The following CYP3A7 variants were observed in gnomAD, a reference collection of about 807,000 sequenced individuals.
CYP3A7 encodes cytochrome P450 family 3 subfamily A member 7.
CYP3A7 carries 45 observed loss-of-function variants against 55.2 expected under a neutral mutation model. The observed-to-expected ratio is 0.82, with a 90% CI of 0.64 to 1.05. CYP3A7 has a LOEUF of 1.05. Ranked by LOEUF, CYP3A7 falls within the 50% of genes least tolerant of loss-of-function variation. The probability of loss-of-function intolerance (pLI) is 0.00; values close to 1 mark genes in which losing one functional copy is unlikely to be tolerated. For synonymous variants in CYP3A7, 180 were observed against 207.4 expected, an observed-to-expected ratio of 0.87 and a Z score of 1.13; for missense variants, 548 against 605.3, an observed-to-expected ratio of 0.91 and a Z score of 0.99.
At position 99,710,716 on chromosome 7, in the gene CYP3A7, T is replaced by C; in HGVS notation, c.1026+16A>G. ...GCTTCACCTCCTCCCTCCTTCTCCATGTACTGTCCACTCACCTTATTGGGT... is the reference window on the plus strand; with the variant it reads ...GCTTCACCTCCTCCCTCCTTCTCCACGTACTGTCCACTCACCTTATTGGGT... On this transcript the variant is annotated intron_variant, in intron 10 of 12. Transcript: ENST00000336374. The C allele has an allele frequency of 1.9e-6, 3 of 1,613,820 alleles. No homozygotes were observed. Among genetic ancestry groups the C allele is most frequent in the Non-Finnish European group, 2.5e-6 (3 of 1,179,822 alleles).
chr7:99,706,797 A>G (rs1217111039), intron 12 of CYP3A7, among the ~76,000 whole-genome samples: 2 of 152,246 alleles, frequency 1.3e-5, no homozygotes, highest in African/African-American at 2.4e-5. Context: ...AAACCAATCG[A>G]CTGCATATCA....
At chr7:99,733,206 C>T (rs1161171726) in intron 1 of CYP3A7, among the ~76,000 whole-genome samples, 1 of 152,212 alleles carries the variant, frequency 6.6e-6, no homozygotes, top group Non-Finnish European at 1.5e-5. Flanking sequence ...AAATCAATGG[C>T]ACTAATCTCT....
In CYP3A7 at chr7:99,735,065, T is replaced by C. The variant is rs1226046422; in HGVS notation, c.29A>G (p.Glu10Gly). 6.2e-7 allele frequency: 1 copy of C among 1,613,998 alleles called. No individual in the cohort carries two copies. The highest frequency in any genetic ancestry group is 8.5e-7 in the Non-Finnish European group (1 of 1,179,986). Residue 10 changes from glutamate (E) to glycine (G), a missense_variant, in exon 1 of 13, where the codon GAA becomes GGA. Coordinates refer to ENST00000336374, the MANE Select transcript of CYP3A7 (RefSeq NM_000765.5). MDLIPNLAV[E>G]TWLLLAVSLI... Reference sequence around the variant, plus strand: ...GCTGACAGCCAGGAGAAGCCAGGTTTCCACGGCCAAGTTTGGGATGAGATC... The same window carrying C: ...GCTGACAGCCAGGAGAAGCCAGGTTCCCACGGCCAAGTTTGGGATGAGATC...
chr7:99,716,029 A>G, intron 6 of CYP3A7, 123 bp from the exon 7 acceptor site: 1 of 1,578,648 alleles, frequency 6.3e-7, no homozygotes, highest in Non-Finnish European at 8.7e-7. Context: ...TTTCAGAACT[A>G]TTTACTGGAG....
chr7:99,724,694 C>T (rs1016107779), intron 2 of CYP3A7, among the ~76,000 whole-genome samples: 1 of 152,132 alleles, frequency 6.6e-6, no homozygotes, highest in Non-Finnish European at 1.5e-5. Flanking sequence ...CCGAGACTAG[C>T]CCTCCTCCAC....
rs780578964 is a variant in CYP3A7 at position 99,717,631 on chromosome 7, C to A, written c.327G>T (p.Gly109=). ...TGGCATTTTTCATAAATCCCACTGG[C>A]CCGAAAGGCTAGAGTTCAAAGCAGA... ...YSVFTNRRPF[G]PVGFMKNAIS... The change falls in exon 5 of 13, where the codon GGG becomes GGT. Residue 109 remains glycine (G), a synonymous_variant. Coordinates refer to ENST00000336374, the MANE Select transcript of CYP3A7 (RefSeq NM_000765.5). 56 of 1,613,348 alleles carry A rather than the reference C, an allele frequency of 3.5e-5. No homozygotes were observed. The South Asian group carries it at 5.6e-4, about 16-fold the overall frequency.
In CYP3A7 at chr7:99,710,764, GC is replaced by G. The variant is rs1240703978; in HGVS notation, c.993del (p.Gln332ArgfsTer29). On this transcript the variant is annotated frameshift_variant, in exon 10 of 13. Transcript: ENST00000336374. LOFTEE classifies it high-confidence loss of function. ...GGTAAAACTGTATCAATTTCCTTCT[GC>G]ACTTTCTGCTGGACATCAGGGTGAG... ...LATHPDVQQKVQKEIDTVLPN... is the reference protein window; with the variant it reads ...LATHPDVQQKXQKEIDTVLPN... 6.2e-7 allele frequency: 1 copy of G among 1,613,850 alleles called. No individual in the cohort carries two copies. The highest frequency in any genetic ancestry group is 8.5e-7 in the Non-Finnish European group (1 of 1,179,864).
intron 2 of CYP3A7, among the ~76,000 whole-genome samples, chr7:99,725,178 C>T (rs1420366723): frequency 6.6e-6 from 1 of 152,174 alleles, no homozygotes; most frequent in African/African-American, 2.4e-5. Flanking sequence ...GAAAACCCAG[C>T]CCAGTTCATG....
rs1563018645 is a variant in CYP3A7, at chr7:99,709,070, C to CT, written c.1217dup (p.Tyr407ValfsTer6). On this transcript the variant is annotated frameshift_variant, in exon 11 of 13. Transcript: ENST00000336374. LOFTEE classifies it high-confidence loss of function. ...GGAACTTCTCAGGCTCTGTCCAGTA[C>CT]TTTGGGTCATGATGAAGAACATAGC... The CT allele has an allele frequency of 1.9e-6, 3 of 1,613,978 alleles. No individual in the cohort carries two copies. In the Admixed American group the frequency reaches 5.0e-5, roughly 27 times the overall value.
In CYP3A7 at chr7:99,705,188, T is replaced by C; in HGVS notation, c.*312A>G. Reference sequence around the variant, plus strand: ...TTGTGGTTGAAATTATTGAGAAATGTTAATTATGTTATCAGAGCTCAGGAG... The same window carrying C: ...TTGTGGTTGAAATTATTGAGAAATGCTAATTATGTTATCAGAGCTCAGGAG... On this transcript the variant is annotated 3_prime_UTR_variant, in exon 13 of 13. Transcript: ENST00000336374. 2 of 275,596 alleles carry C rather than the reference T, an allele frequency of 7.3e-6. No homozygotes were observed. Among genetic ancestry groups the C allele is most frequent in the Non-Finnish European group, 1.4e-5 (2 of 142,612 alleles). 17.1% of individuals were successfully genotyped at this position (275,596 alleles called of 1,614,324 possible). A position where few individuals can be genotyped will look rare whatever the true frequency, so the allele number is the denominator to read the frequency against.
chr7:99,712,638 T>C (rs1813799425), intron 9 of CYP3A7, among the ~76,000 whole-genome samples: 1 of 152,140 alleles, frequency 6.6e-6, no homozygotes, highest in Non-Finnish European at 1.5e-5. Flanking sequence ...AAATAGATGA[T>C]TGATGGACAG....
At chr7:99,720,518 A>G in intron 3 of CYP3A7, 106 bp from the exon 4 acceptor site, 1 of 1,225,796 alleles carries the variant, frequency 8.2e-7, no homozygotes, top group Non-Finnish European at 1.2e-6. Flanking sequence ...AATCCTCTAG[A>G]TGTACAATAC....
chr7:99,733,526 C>T (rs547402097), intron 1 of CYP3A7, among the ~76,000 whole-genome samples: 4 of 152,268 alleles, frequency 2.6e-5, no homozygotes, highest in Non-Finnish European at 4.4e-5. Flanking sequence ...TGGGCTGTAC[C>T]GGCATCGTCT....
chr7:99,710,895 G>A lies in CYP3A7; in HGVS notation c.866-3C>T, dbSNP rs1293244488. On this transcript the variant is annotated splice_region_variant and splice_polypyrimidine_tract_variant and intron_variant, in intron 9 of 12. Coordinates refer to ENST00000336374, the MANE Select transcript of CYP3A7 (RefSeq NM_000765.5). ...CATGAGCTCCAGATCAGACAGAGCT[G>A]AAAGGAGAGAAAAGACATTTTAGGT... is the stretch of plus-strand genomic sequence containing the variant. 1 of 1,613,562 alleles carries A rather than the reference G, an allele frequency of 6.2e-7. No individual in the cohort carries two copies. The highest frequency in any genetic ancestry group is 1.3e-5 in the African/African-American group (1 of 74,902).
At chr7:99,710,191 C>T (rs1197600408) in intron 10 of CYP3A7, among the ~76,000 whole-genome samples, 11 of 152,182 alleles carry the variant, frequency 7.2e-5, no homozygotes. Flanking sequence ...GGTTGATAGG[C>T]ACCTAGTACT....
rs45536632 is a variant in CYP3A7 at position 99,710,721 on chromosome 7, T to C, written c.1026+11A>G. ...ACCTCCTCCCTCCTTCTCCATGTAC[T>C]GTCCACTCACCTTATTGGGTAAAAC... On this transcript the variant is annotated intron_variant, in intron 10 of 12. Transcript: ENST00000336374. The C allele has an allele frequency of 7.7e-5, 124 of 1,613,836 alleles. 1 individual carries two copies. The East Asian group carries it at 1.4e-3, about 18-fold the overall frequency.
chr7:99,721,370 T>G (rs1814192303), intron 3 of CYP3A7, among the ~76,000 whole-genome samples: 1 of 152,212 alleles, frequency 6.6e-6, no homozygotes, highest in Non-Finnish European at 1.5e-5. Context: ...AACCCTTCTT[T>G]CAAAAGCATG....
intron 12 of CYP3A7, among the ~76,000 whole-genome samples, chr7:99,705,867 G>A (rs1277896081): frequency 6.6e-6 from 1 of 152,118 alleles, no homozygotes. Context: ...GGGAACCCGT[G>A]TTCTTTTTTG....
At chr7:99,717,664 T>A (rs1814017012) in intron 4 of CYP3A7, 25 bp from the exon 5 acceptor site, 5 of 1,612,320 alleles carry the variant, frequency 3.1e-6, no homozygotes, top group African/African-American at 1.3e-5. Context: ...AGAAAGATTT[T>A]GTCCTACATC....
Sources: allele counts gnomAD v4.1 joint callset (sites outside exome capture counted in the v4.1 genomes callset), GRCh38; gene constraint gnomAD v4.1.1; transcripts MANE v1.5; gene names NCBI Gene and HGNC (gene_info 2026-07-23, HGNC 2026-07-21).